TBC1D12: variants seen among roughly 807,000 people sequenced by gnomAD.
TBC1D12 encodes TBC1 domain family, member 12.
TBC1D12 carries 56 observed loss-of-function variants against 86.7 expected under a neutral mutation model. The ratio of observed to expected loss-of-function variants is 0.65; its 90% confidence interval spans 0.52 to 0.81. The LOEUF (loss-of-function observed/expected upper bound fraction) is 0.81. Ranked by LOEUF, TBC1D12 falls within the 30% of genes least tolerant of loss-of-function variation. TBC1D12 has a pLI of 0.00. For synonymous variants in TBC1D12, 421 were observed against 411.7 expected (o/e 1.02, Z -0.27); for missense variants, 1,023 against 1,038.8 (o/e 0.98, Z 0.21).
At chr10:94,471,132 C>T (rs1356716200) in intron 2 of TBC1D12, among the ~76,000 whole-genome samples, 14 of 151,806 alleles carry the variant, frequency 9.2e-5, no homozygotes, top group African/African-American at 2.4e-4. Flanking sequence ...AAAAATTAGC[C>T]GGGCATGGTG....
chr10:94,416,106 T>C (rs1045453061), intron 1 of TBC1D12, among the ~76,000 whole-genome samples: 2 of 151,758 alleles, frequency 1.3e-5, no homozygotes, highest in African/African-American at 4.9e-5. Context: ...CATAACACTA[T>C]GTAGGGAAAA....
At chr10:94,512,971 G>A (rs1321247756) in intron 9 of TBC1D12, among the ~76,000 whole-genome samples, 1 of 151,760 alleles carries the variant, frequency 6.6e-6, no homozygotes, top group African/African-American at 2.4e-5. Flanking sequence ...CAGGCATGCC[G>A]GGCGTGGTGG....
intron 2 of TBC1D12, among the ~76,000 whole-genome samples, chr10:94,446,563 AT>A (rs34525105): frequency 0.16 from 24,184 of 151,590 alleles, 2,079 homozygotes; most frequent in Middle Eastern, 0.24. Flanking sequence ...TTGAAAAAAA[AT>A]TTTTTTTTGG....
chr10:94,451,555 C>T (rs2055549627), intron 2 of TBC1D12, among the ~76,000 whole-genome samples: 1 of 151,998 alleles, frequency 6.6e-6, no homozygotes, highest in African/African-American at 2.4e-5. Context: ...TCACTTTTTA[C>T]AGTTTACTGT....
chr10:94,450,607 G>A (rs1257900048), intron 2 of TBC1D12, among the ~76,000 whole-genome samples: 1 of 151,990 alleles, frequency 6.6e-6, no homozygotes, highest in Non-Finnish European at 1.5e-5. Flanking sequence ...AATTCTGGAG[G>A]GATTATAGGA....
At chr10:94,503,038 A>G (rs756222736) in intron 6 of TBC1D12, among the ~76,000 whole-genome samples, 1 of 152,182 alleles carries the variant, frequency 6.6e-6, no homozygotes, top group Non-Finnish European at 1.5e-5. Flanking sequence ...CCCACAATTT[A>G]TGCCATAAGG....
chr10:94,514,221 A>G (rs1207429252), intron 9 of TBC1D12, among the ~76,000 whole-genome samples: 1 of 152,048 alleles, frequency 6.6e-6, no homozygotes, highest in African/African-American at 2.4e-5. Context: ...GCAAATAATA[A>G]AAAATTAGCC....
chr10:94,488,911 C>T (rs1426777813), intron 3 of TBC1D12, among the ~76,000 whole-genome samples: 2 of 152,112 alleles, frequency 1.3e-5, no homozygotes, highest in South Asian at 4.1e-4. Context: ...TTTCTCCTCT[C>T]CTCAAGTGGA....
intron 11 of TBC1D12, among the ~76,000 whole-genome samples, chr10:94,527,241 C>T (rs1355965341): frequency 1.3e-5 from 2 of 151,952 alleles, no homozygotes; most frequent in African/African-American, 4.8e-5. Flanking sequence ...TACAGGTGTG[C>T]ACCAGACCTG....
intron 10 of TBC1D12, 67 bp downstream of exon 10, chr10:94,522,150 A>C: frequency 6.5e-7 from 1 of 1,536,202 alleles, no homozygotes; most frequent in Non-Finnish European, 8.8e-7. Flanking sequence ...AAAAACAATA[A>C]TTAGAAGGCC....
At chr10:94,505,198 A>T (rs1312156755) in intron 6 of TBC1D12, among the ~76,000 whole-genome samples, 1 of 152,162 alleles carries the variant, frequency 6.6e-6, no homozygotes, top group Non-Finnish European at 1.5e-5. Context: ...ACAATTTTAT[A>T]CCTAATAACC....
At chr10:94,503,891 C>T (rs2134195035) in intron 6 of TBC1D12, among the ~76,000 whole-genome samples, 1 of 152,340 alleles carries the variant, frequency 6.6e-6, no homozygotes, top group Non-Finnish European at 1.5e-5. Flanking sequence ...TCCCAAAGTG[C>T]TGGGCTTACA....
At position 94,531,770 on chromosome 10, in the gene TBC1D12, TTA is replaced by T. The variant is rs552637426; in HGVS notation, c.2259+312_2259+313del. Among the ~76,000 whole-genome samples, 190 of 137,116 alleles carry T rather than the reference TTA, an allele frequency of 1.4e-3. 1 individual carries two copies. The highest frequency in any genetic ancestry group is 2.5e-3 in the Non-Finnish European group (157 of 62,882). The allele number at this position is 137,116 out of a possible 152,430, so 90.0% of individuals were successfully genotyped here. ...TTATGTTATTTTATTTTATTTTATT[TTA>T]TGTTATTTTATTTTATGTTATTTTA... On this transcript the variant is annotated intron_variant, in intron 12 of 12. Coordinates refer to ENST00000225235, the MANE Select transcript of TBC1D12 (RefSeq NM_015188.2).
intron 5 of TBC1D12, among the ~76,000 whole-genome samples, chr10:94,499,688 G>C (rs2056370106): frequency 6.6e-6 from 1 of 152,148 alleles, no homozygotes. Flanking sequence ...TTTATAAGGT[G>C]TATGTATTTT....
chr10:94,422,185 G>GT (rs57798611), intron 1 of TBC1D12, among the ~76,000 whole-genome samples: 3,983 of 106,732 alleles, frequency 0.037, 204 homozygotes, highest in African/African-American at 0.08. Context: ...GGTTCATGTA[G>GT]TTTTTTTTTT....
intron 11 of TBC1D12, among the ~76,000 whole-genome samples, chr10:94,529,411 G>A (rs548183959): frequency 1.4e-3 from 206 of 152,260 alleles, no homozygotes; most frequent in Non-Finnish European, 2.3e-3. Flanking sequence ...CTGAGGTTGG[G>A]AATTCGAGAC....
chr10:94,469,279 A>G (rs557031200), intron 2 of TBC1D12, among the ~76,000 whole-genome samples: 1 of 151,846 alleles, frequency 6.6e-6, no homozygotes, highest in Non-Finnish European at 1.5e-5. Flanking sequence ...AATAATTCTC[A>G]CCCCTGGGTA....
intron 2 of TBC1D12, among the ~76,000 whole-genome samples, chr10:94,445,312 T>A (rs2055445847): frequency 6.6e-6 from 1 of 151,922 alleles, no homozygotes; most frequent in South Asian, 2.1e-4. Context: ...TGAGCCGACG[T>A]TGTGCCACTG....
intron 1 of TBC1D12, among the ~76,000 whole-genome samples, chr10:94,416,732 A>ATG (rs2055003962): frequency 6.6e-6 from 1 of 152,216 alleles, no homozygotes. Context: ...AGGATGCATC[A>ATG]GTACTGAGGA....
Sources: allele counts gnomAD v4.1 joint callset (sites outside exome capture counted in the v4.1 genomes callset), GRCh38; gene constraint gnomAD v4.1.1; transcripts MANE v1.5; gene names NCBI Gene and HGNC (gene_info 2026-07-23, HGNC 2026-07-21).